Variants in FNDC3B observed in about 807,000 individuals in gnomAD.
FNDC3B encodes fibronectin type III domain-containing protein 3B.
Under a neutral mutation model 151.5 loss-of-function variants are expected in FNDC3B, and 12 were observed. The ratio of observed to expected loss-of-function variants is 0.08; its 90% confidence interval spans 0.05 to 0.13. The LOEUF (loss-of-function observed/expected upper bound fraction) is 0.13, where lower values mean the gene tolerates loss of function less well. FNDC3B is among the 10% of genes least tolerant of loss of function. The pLI, the probability that FNDC3B is intolerant of heterozygous loss-of-function variation, is 1.00. For synonymous variants in FNDC3B, 528 were observed against 549.0 expected, an observed-to-expected ratio of 0.96 and a Z score of 0.54; for missense variants, 1,214 against 1,505.3, an observed-to-expected ratio of 0.81 and a Z score of 3.20.
intron 1 of FNDC3B, among the ~76,000 whole-genome samples, chr3:172,047,335 C>T (rs7636836): frequency 0.094 from 14,323 of 152,160 alleles, 852 homozygotes; most frequent in East Asian, 0.22. Context: ...TTAAAAATAA[C>T]GCCATTGTTC....
chr3:172,303,068 A>G (rs1257138595), intron 9 of FNDC3B: 1 of 152,134 alleles, frequency 6.6e-6, no homozygotes, highest in Non-Finnish European at 1.5e-5. Flanking sequence ...ACATATATAC[A>G]TTTATTTGTA....
intron 3 of FNDC3B, among the ~76,000 whole-genome samples, chr3:172,205,767 A>G (rs1725391643): frequency 6.6e-6 from 1 of 152,270 alleles, no homozygotes; most frequent in African/African-American, 2.4e-5. Flanking sequence ...AAGATAATGC[A>G]TTCTGTAGGT....
chr3:172,343,042 G>A lies in FNDC3B; in HGVS notation c.2003G>A (p.Ser668Asn). The change falls in exon 18 of 26, where the codon AGC becomes AAC. Residue 668 changes from serine (S) to asparagine (N), a missense_variant. By Grantham distance (46) the Ser-to-Asn change is conservative. Coordinates refer to ENST00000415807, the MANE Select transcript of FNDC3B (RefSeq NM_022763.4). ...CSESLPVRTLSIAPGQCRPPR... is the reference protein window; with the variant it reads ...CSESLPVRTLNIAPGQCRPPR... ...GAAAGTCTCCCTGTTCGCACACTAA[G>A]CATTGCACCAGGTCAATGTCGACCA... is the stretch of plus-strand genomic sequence containing the variant. 1 of 1,613,154 alleles carries A rather than the reference G, an allele frequency of 6.2e-7. No individual in the cohort carries two copies. The highest frequency in any genetic ancestry group is 8.5e-7 in the Non-Finnish European group (1 of 1,179,220).
intron 4 of FNDC3B, among the ~76,000 whole-genome samples, chr3:172,247,135 AAGC>A (rs1407223840): frequency 1.3e-5 from 2 of 152,216 alleles, no homozygotes; most frequent in Admixed American, 1.3e-4. Flanking sequence ...GTGGCACAGA[AAGC>A]CTCTTTCTGG....
intron 8 of FNDC3B, among the ~76,000 whole-genome samples, chr3:172,297,311 T>C (rs1730664125): frequency 1.3e-5 from 2 of 152,232 alleles, no homozygotes; most frequent in South Asian, 4.1e-4. Flanking sequence ...CCCAGCCTTT[T>C]ATTTGGAATA....
intron 3 of FNDC3B, among the ~76,000 whole-genome samples, chr3:172,153,278 G>A (rs1165221542): frequency 6.6e-6 from 1 of 152,146 alleles, no homozygotes; most frequent in Non-Finnish European, 1.5e-5. Flanking sequence ...ATTGAAAAAC[G>A]GGGAAAGTCT....
At chr3:172,183,491 G>A (rs940334563) in intron 3 of FNDC3B, among the ~76,000 whole-genome samples, 4 of 152,170 alleles carry the variant, frequency 2.6e-5, no homozygotes, top group African/African-American at 9.7e-5. Flanking sequence ...ATTTCTGGTT[G>A]TTGTTGGAAA....
At chr3:172,300,306 T>C (rs994065537) in intron 9 of FNDC3B, among the ~76,000 whole-genome samples, 1 of 152,262 alleles carries the variant, frequency 6.6e-6, no homozygotes. Flanking sequence ...ATATGTTTCT[T>C]TCTGCTCCGT....
intron 1 of FNDC3B, among the ~76,000 whole-genome samples, chr3:172,106,829 A>T (rs888871026): frequency 6.6e-6 from 1 of 152,162 alleles, no homozygotes; most frequent in Admixed American, 6.5e-5. Flanking sequence ...ATCTTTTTAG[A>T]CTTGGAGAAG....
intron 9 of FNDC3B, among the ~76,000 whole-genome samples, chr3:172,306,280 A>G (rs1270668109): frequency 6.6e-6 from 1 of 152,206 alleles, no homozygotes; most frequent in Non-Finnish European, 1.5e-5. Context: ...CAAGGGGAAT[A>G]GGCAATACCG....
At chr3:172,231,991 G>A (rs112519382) in intron 4 of FNDC3B, among the ~76,000 whole-genome samples, 2,043 of 146,230 alleles carry the variant, frequency 0.014, 29 homozygotes, top group Middle Eastern at 0.037. Flanking sequence ...AGCAATTCTC[G>A]TGCCTCAGCC....
At chr3:172,132,644 T>A (rs1269675798) in intron 2 of FNDC3B, among the ~76,000 whole-genome samples, 1 of 152,202 alleles carries the variant, frequency 6.6e-6, no homozygotes, top group Non-Finnish European at 1.5e-5. Context: ...GTGATCCACC[T>A]GCCTCAGCCT....
In FNDC3B at chr3:172,333,110, T is replaced by C; in HGVS notation, c.1576T>C (p.Tyr526His). 1 of 1,612,940 alleles carries C rather than the reference T, an allele frequency of 6.2e-7. No homozygotes were observed. The highest frequency in any genetic ancestry group is 8.5e-7 in the Non-Finnish European group (1 of 1,178,944). ...DENDNLFHPK[Y>H]TGEDLTCTVK... is the part of the protein sequence containing the mutation. ...TCAGGATAACCTTTTCCACCCAAAA[T>C]ACACTGGAGAGGATTTAACCTGTAC... Residue 526 changes from tyrosine to histidine, a missense_variant, in exon 14 of 26, where the codon TAC becomes CAC. Tyr to His is a moderately conservative substitution (Grantham distance 83). Coordinates refer to ENST00000415807, the MANE Select transcript of FNDC3B (RefSeq NM_022763.4).
chr3:172,396,145 C>T (rs185638728), intron 25 of FNDC3B, among the ~76,000 whole-genome samples: 170 of 152,120 alleles, frequency 1.1e-3, no homozygotes, highest in Middle Eastern at 0.01. Context: ...GGAAATAACC[C>T]GAATGTCCAT....
intron 4 of FNDC3B, among the ~76,000 whole-genome samples, chr3:172,229,128 C>CACAT: frequency 9.8e-6 from 1 of 102,260 alleles, no homozygotes; most frequent in African/African-American, 3.3e-5. Context: ...CACACACACA[C>CACAT]ACACACACAA....
chr3:172,279,921 GTTGT>G (rs1560054323), intron 6 of FNDC3B, among the ~76,000 whole-genome samples: 1 of 151,726 alleles, frequency 6.6e-6, no homozygotes, highest in East Asian at 1.9e-4. Context: ...TGTTGTTGTT[GTTGT>G]TTGTTTGGGG....
intron 6 of FNDC3B, among the ~76,000 whole-genome samples, chr3:172,257,621 G>A (rs1158028570): frequency 6.7e-6 from 1 of 149,432 alleles, no homozygotes. Context: ...CACTCTGAAA[G>A]CAGACAGCAC....
chr3:172,105,882 G>T (rs1478550198), intron 1 of FNDC3B, among the ~76,000 whole-genome samples: 1 of 127,460 alleles, frequency 7.8e-6, no homozygotes, highest in Non-Finnish European at 1.7e-5. Flanking sequence ...TGATTTTACT[G>T]TGTCTGTGAC....
intron 7 of FNDC3B, among the ~76,000 whole-genome samples, chr3:172,294,392 A>G (rs1730488680): frequency 6.6e-6 from 1 of 152,208 alleles, no homozygotes; most frequent in South Asian, 2.1e-4. Context: ...ATGGTGGAAG[A>G]AAAGGGGAAG....
Sources: allele counts gnomAD v4.1 joint callset (sites outside exome capture counted in the v4.1 genomes callset), GRCh38; gene constraint gnomAD v4.1.1; transcripts MANE v1.5; gene names NCBI Gene and HGNC (gene_info 2026-07-23, HGNC 2026-07-21).